Variants in TRAPPC9 observed in about 807,000 individuals in gnomAD.
The protein encoded by TRAPPC9 is trafficking protein particle complex subunit 9.
A neutral mutation model predicts 124.0 loss-of-function variants in TRAPPC9; 83 were observed. That is an observed-to-expected ratio of 0.67 (90% CI 0.56 to 0.80). The LOEUF (loss-of-function observed/expected upper bound fraction) is 0.80, where lower values mean the gene tolerates loss of function less well. Among genes scored for constraint, TRAPPC9 ranks in the 30% least tolerant of loss-of-function variants. The pLI is 0.00. For missense variants in TRAPPC9, 1,302 were observed against 1,508.3 expected (o/e 0.86, Z 2.27); for synonymous variants, 638 against 617.5 (o/e 1.03, Z -0.49).
chr8:140,331,837 A>G (rs543917339), intron 9 of TRAPPC9, among the ~76,000 whole-genome samples: 7 of 152,280 alleles, frequency 4.6e-5, no homozygotes, highest in Admixed American at 4.6e-4. Flanking sequence ...CAAATACAGG[A>G]GGGTGCAGAG....
chr8:140,289,836 A>G (rs2065596708), intron 12 of TRAPPC9, among the ~76,000 whole-genome samples: 2 of 152,236 alleles, frequency 1.3e-5, no homozygotes, highest in African/African-American at 4.8e-5. Context: ...GTCCTCGCCC[A>G]ACAGGAGGAG....
chr8:139,754,021 G>A (rs984651944), intron 21 of TRAPPC9, among the ~76,000 whole-genome samples: 7 of 152,190 alleles, frequency 4.6e-5, no homozygotes, highest in African/African-American at 1.4e-4. Flanking sequence ...ATCTTGGCAC[G>A]TCTCAATCTT....
At chr8:139,905,343 G>A (rs146118301) in intron 20 of TRAPPC9, among the ~76,000 whole-genome samples, 39 of 152,348 alleles carry the variant, frequency 2.6e-4, no homozygotes, top group Admixed American at 1.2e-3. Context: ...TTGTGAGCAT[G>A]AGGAGTCCTT....
intron 16 of TRAPPC9, among the ~76,000 whole-genome samples, chr8:140,244,213 G>A (rs1015690684): frequency 5.3e-5 from 8 of 152,194 alleles, no homozygotes; most frequent in East Asian, 1.9e-4. Flanking sequence ...GACAAGCTCC[G>A]CAGCAGGCAG....
chr8:140,409,065 T>C (rs902976162), intron 5 of TRAPPC9, among the ~76,000 whole-genome samples: 2 of 151,784 alleles, frequency 1.3e-5, no homozygotes, highest in Admixed American at 1.3e-4. Flanking sequence ...TAAAAATATA[T>C]GCAACATATA....
intron 3 of TRAPPC9, among the ~76,000 whole-genome samples, chr8:140,437,516 C>T (rs775230398): frequency 6.6e-6 from 1 of 152,228 alleles, no homozygotes; most frequent in East Asian, 1.9e-4. Flanking sequence ...CCCAGCTACT[C>T]GGAAGGCTGA....
rs542488499 is a variant in TRAPPC9 at position 140,243,083 on chromosome 8, C to T, written c.2431+9694G>A. On this transcript the variant is annotated intron_variant, in intron 16 of 22. Coordinates refer to ENST00000438773, the MANE Select transcript of TRAPPC9 (RefSeq NM_001160372.4). ...AACCCCCCAGAGAATGGGTCAGAAACACAGATCGCAGCCCAGCGCCCACAG... is the reference window on the plus strand; with the variant it reads ...AACCCCCCAGAGAATGGGTCAGAAATACAGATCGCAGCCCAGCGCCCACAG... Among the ~76,000 whole-genome samples the T allele has an allele frequency of 4.9e-4, 74 of 152,304 alleles. 1 individual carries two copies. The highest frequency in any genetic ancestry group is 3.9e-3 in the Admixed American group (59 of 15,296).
At chr8:140,405,368 T>C in intron 6 of TRAPPC9, 1 of 509,202 alleles carries the variant, frequency 2.0e-6, no homozygotes, top group East Asian at 3.6e-5. Context: ...TTTTTCTCTC[T>C]TTTCCAAATT....
At chr8:140,302,593 C>A (rs977514340) in intron 10 of TRAPPC9, 4 of 152,234 alleles carry the variant, frequency 2.6e-5, no homozygotes, top group Non-Finnish European at 5.9e-5. Flanking sequence ...GAACAGCAGC[C>A]GTCAGGGCCG....
At chr8:140,289,913 G>T (rs1283823737) in intron 12 of TRAPPC9, among the ~76,000 whole-genome samples, 1 of 152,228 alleles carries the variant, frequency 6.6e-6, no homozygotes, top group African/African-American at 2.4e-5. Flanking sequence ...CAGGAGCTCA[G>T]ACAGATTTCG....
intron 9 of TRAPPC9, among the ~76,000 whole-genome samples, chr8:140,321,171 C>T (rs2066583445): frequency 6.6e-6 from 1 of 152,252 alleles, no homozygotes; most frequent in South Asian, 2.1e-4. Flanking sequence ...GAACCACTGC[C>T]TGCGGCAGAG....
At chr8:140,337,315 C>T (rs1264996723) in intron 9 of TRAPPC9, among the ~76,000 whole-genome samples, 1 of 152,176 alleles carries the variant, frequency 6.6e-6, no homozygotes, top group Non-Finnish European at 1.5e-5. Context: ...TCCTGTCACA[C>T]ACTCTCACAG....
At chr8:140,360,736 G>C (rs2067927096) in intron 8 of TRAPPC9, among the ~76,000 whole-genome samples, 1 of 152,158 alleles carries the variant, frequency 6.6e-6, no homozygotes. Context: ...CAGTTGAAAA[G>C]TATCTCTTTT....
intron 21 of TRAPPC9, among the ~76,000 whole-genome samples, chr8:139,854,328 G>A (rs956974537): frequency 5.3e-5 from 8 of 152,232 alleles, no homozygotes; most frequent in African/African-American, 1.9e-4. Context: ...TCAGCTCACA[G>A]ACGCTGCCAT....
intron 17 of TRAPPC9, among the ~76,000 whole-genome samples, chr8:140,114,597 G>A (rs1002196767): frequency 2.6e-5 from 4 of 152,132 alleles, no homozygotes; most frequent in Admixed American, 6.6e-5. Flanking sequence ...ATCCGTCACC[G>A]ATGCAATCAT....
At chr8:139,991,267 T>A (rs1837624483) in intron 18 of TRAPPC9, among the ~76,000 whole-genome samples, 1 of 152,232 alleles carries the variant, frequency 6.6e-6, no homozygotes, top group Non-Finnish European at 1.5e-5. Context: ...ATACGGTGCT[T>A]ACGAAATGGC....
In TRAPPC9 at chr8:140,258,211, C is replaced by T. The variant is rs952924038; in HGVS notation, c.2279-5282G>A. Among the ~76,000 whole-genome samples the T allele has an allele frequency of 3.3e-5, 5 of 152,222 alleles. No individual in the cohort carries two copies. In the East Asian group the frequency reaches 5.8e-4, roughly 18 times the overall value. On this transcript the variant is annotated intron_variant, in intron 15 of 22. Transcript: ENST00000438773. ...CCCCGGAGAGACCGCCATTCAGACA[C>T]GGCCTGAGGGAGCAGGAGGGCTTGG...
At chr8:140,002,769 G>A (rs61402904) in intron 18 of TRAPPC9, among the ~76,000 whole-genome samples, 46,357 of 140,958 alleles carry the variant, frequency 0.33, 8,619 homozygotes, top group East Asian at 0.57. Flanking sequence ...TTTTATTTTT[G>A]ACTAAGAAGA....
At chr8:140,448,273 G>A (rs73713132) in intron 2 of TRAPPC9, among the ~76,000 whole-genome samples, 13,061 of 152,196 alleles carry the variant, frequency 0.086, 616 homozygotes, top group African/African-American at 0.11. Flanking sequence ...AAGTTCAAAT[G>A]CTAACTGATG....
Sources: gnomAD v4.1 joint callset for allele counts (sites outside exome capture counted in the v4.1 genomes callset) on GRCh38, gnomAD v4.1.1 for gene constraint, MANE v1.5 for transcripts, NCBI Gene and HGNC (gene_info 2026-07-23, HGNC 2026-07-21) for gene names.